Variants in IFT52 observed in about 807,000 individuals in gnomAD.
The protein encoded by IFT52 is intraflagellar transport protein 52 homolog.
A neutral mutation model predicts 54.4 loss-of-function variants in IFT52; 44 were observed. The ratio of observed to expected loss-of-function variants is 0.81; its 90% CI spans 0.63 to 1.04. The LOEUF (loss-of-function observed/expected upper bound fraction) is 1.04. Ranked by LOEUF, IFT52 falls within the 50% of genes least tolerant of loss-of-function variation. The pLI, the probability that IFT52 is intolerant of heterozygous loss-of-function variation, is 0.00. For synonymous variants in IFT52, 181 were observed against 185.3 expected (o/e 0.98, Z 0.19); for missense variants, 452 against 523.6 (o/e 0.86, Z 1.33).
chr20:43,640,416 C>T (rs376496529), intron 12 of IFT52, among the ~76,000 whole-genome samples: 4 of 151,892 alleles, frequency 2.6e-5, no homozygotes, highest in South Asian at 2.1e-4. Context: ...GCCAAGATCA[C>T]GCCACTGTAC....
In IFT52 at chr20:43,613,740, G is replaced by A. The variant is rs1983633986; in HGVS notation, c.486-110G>A. 1.3e-5 allele frequency: 14 copies of A among 1,067,080 alleles called. No individual in the cohort carries two copies. The East Asian group carries it at 3.2e-4, about 25-fold the overall frequency. The allele number at this position is 1,067,080 out of a possible 1,614,324, so 66.1% of individuals were successfully genotyped here. ...CCACTGCACTGCAGCCTGGGTGACT[G>A]AGTGAGACTGTTTCAAAAAAGAGTG... On this transcript the variant is annotated intron_variant, in intron 6 of 13. Coordinates refer to ENST00000373030, the MANE Select transcript of IFT52 (RefSeq NM_016004.5).
At chr20:43,625,650 C>T (rs2145645349) in intron 10 of IFT52, among the ~76,000 whole-genome samples, 1 of 152,260 alleles carries the variant, frequency 6.6e-6, no homozygotes, top group Middle Eastern at 3.4e-3. Flanking sequence ...CCTAAGACTG[C>T]AAGACGGAGG....
At chr20:43,627,464 T>A (rs1027795387) in intron 10 of IFT52, among the ~76,000 whole-genome samples, 1 of 152,124 alleles carries the variant, frequency 6.6e-6, no homozygotes, top group Non-Finnish European at 1.5e-5. Flanking sequence ...AAGAGAGAAT[T>A]GGACATAGCA....
chr20:43,618,518 G>A (rs553773276), intron 7 of IFT52, among the ~76,000 whole-genome samples: 1 of 152,102 alleles, frequency 6.6e-6, no homozygotes, highest in Non-Finnish European at 1.5e-5. Flanking sequence ...GTCTCGCTCT[G>A]TTGCCCAGGC....
At chr20:43,618,672 C>T (rs549711157) in intron 7 of IFT52, among the ~76,000 whole-genome samples, 6 of 151,620 alleles carry the variant, frequency 4.0e-5, no homozygotes, top group African/African-American at 9.7e-5. Flanking sequence ...TTAGTAGAGA[C>T]GGGGTTTCAC....
chr20:43,620,759 T>G, intron 8 of IFT52, 98 bp from the exon 9 acceptor site: 3 of 860,668 alleles, frequency 3.5e-6, no homozygotes, highest in Non-Finnish European at 5.5e-6. Context: ...TTAATCTTTC[T>G]TCCTTTATCA....
chr20:43,604,711 T>C (rs1601031366), intron 5 of IFT52, among the ~76,000 whole-genome samples: 1 of 152,196 alleles, frequency 6.6e-6, no homozygotes, highest in African/African-American at 2.4e-5. Context: ...TTATTATAAT[T>C]TATTTTACTA....
At chr20:43,595,073 TG>T (rs1981830497) in intron 2 of IFT52, among the ~76,000 whole-genome samples, 1 of 151,528 alleles carries the variant, frequency 6.6e-6, no homozygotes, top group African/African-American at 2.4e-5. Flanking sequence ...CCCAGCACTT[TG>T]GGAGGCCAAG....
At chr20:43,603,956 C>G (rs1045612375) in intron 4 of IFT52, 67 bp downstream of exon 4, 15 of 1,186,732 alleles carry the variant, frequency 1.3e-5, no homozygotes, top group Non-Finnish European at 1.7e-5. Flanking sequence ...TCATAGCCCT[C>G]TAGGTCCAGT....
intron 7 of IFT52, 117 bp downstream of exon 7, chr20:43,614,093 C>A: frequency 1.1e-6 from 1 of 885,020 alleles, no homozygotes; most frequent in Non-Finnish European, 1.7e-6. Context: ...CCTGCCAGTC[C>A]TGCAAAGTAG....
intron 6 of IFT52, chr20:43,605,292 T>C (rs182218587): frequency 8.2e-7 from 1 of 1,221,904 alleles, no homozygotes; most frequent in African/African-American, 1.6e-5. Context: ...ACGCCTGTAA[T>C]CCTAGCACTT....
intron 6 of IFT52, among the ~76,000 whole-genome samples, chr20:43,606,882 T>C (rs968236051): frequency 2.0e-5 from 3 of 152,174 alleles, no homozygotes; most frequent in African/African-American, 7.2e-5. Context: ...AGCACATGTT[T>C]CAGAGAGCAC....
In IFT52 at chr20:43,602,417, C is replaced by T. The variant is rs140835418; in HGVS notation, c.208-1343C>T. ...CCTCAAGTGATCCACCCACCTCAGC[C>T]TCCCAAACTGTTGGGATTACAGGCA... On this transcript the variant is annotated intron_variant, in intron 3 of 13. Transcript: ENST00000373030. Among the ~76,000 whole-genome samples the T allele has an allele frequency of 7.8e-3, 1,185 of 152,038 alleles. 20 individuals are homozygous for T. Among genetic ancestry groups the T allele is most frequent in the African/African-American group, 0.027 (1,107 of 41,488 alleles).
intron 6 of IFT52, 54 bp from the exon 7 acceptor site, chr20:43,613,796 A>G: frequency 6.5e-7 from 1 of 1,540,102 alleles, no homozygotes. Flanking sequence ...TTATTTTCAG[A>G]ATTTTTGTAT....
In IFT52 at chr20:43,634,739, C is replaced by T. The variant is rs981650956; in HGVS notation, c.924-1187C>T. Reference sequence around the variant, plus strand: ...GTTTGTTGTACAGATTATTTCATCACGCATGTGTTAAGCCTAGTATCCATT... The same window carrying T: ...GTTTGTTGTACAGATTATTTCATCATGCATGTGTTAAGCCTAGTATCCATT... On this transcript the variant is annotated intron_variant, in intron 10 of 13. Coordinates refer to ENST00000373030, the MANE Select transcript of IFT52 (RefSeq NM_016004.5). Among the ~76,000 whole-genome samples the T allele has an allele frequency of 4.0e-5, 6 of 151,880 alleles. 1 individual carries two copies. Among genetic ancestry groups the T allele is most frequent in the Non-Finnish European group, 4.4e-5 (3 of 67,976 alleles).
At chr20:43,597,776 C>A (rs1421716951) in intron 3 of IFT52, among the ~76,000 whole-genome samples, 1 of 151,898 alleles carries the variant, frequency 6.6e-6, no homozygotes, top group East Asian at 1.9e-4. Flanking sequence ...CGCCTGTAAT[C>A]CCAACTACTT....
intron 13 of IFT52, 24 bp downstream of exon 13, chr20:43,642,648 G>A (rs1985999429): frequency 6.2e-7 from 1 of 1,610,836 alleles, no homozygotes; most frequent in Non-Finnish European, 8.5e-7. Flanking sequence ...AAGGCACAGT[G>A]TAGTGGGAGC....
chr20:43,626,048 C>T (rs992891774), intron 10 of IFT52, among the ~76,000 whole-genome samples: 2 of 138,214 alleles, frequency 1.4e-5, no homozygotes, highest in Non-Finnish European at 3.1e-5. Context: ...AAAAAAGTTG[C>T]AATAACTGAG....
intron 3 of IFT52, among the ~76,000 whole-genome samples, chr20:43,603,200 G>A (rs1367906228): frequency 6.6e-6 from 1 of 152,068 alleles, no homozygotes; most frequent in African/African-American, 2.4e-5. Context: ...GAGCTTCCAG[G>A]AGATAAGCAG....
Sources: allele counts gnomAD v4.1 joint callset (sites outside exome capture counted in the v4.1 genomes callset), GRCh38; gene constraint gnomAD v4.1.1; transcripts MANE v1.5; gene names NCBI Gene and HGNC (gene_info 2026-07-23, HGNC 2026-07-21).